KAZN: variants seen among roughly 807,000 people sequenced by gnomAD.
KAZN encodes the protein kazrin, periplakin interacting protein, also known as kazrin.
KAZN carries 40 observed loss-of-function variants against 87.4 expected under a neutral mutation model. The observed-to-expected ratio is 0.46, with a 90% CI of 0.36 to 0.60. The LOEUF (loss-of-function observed/expected upper bound fraction) is 0.60. Ranked by LOEUF, KAZN falls within the 20% of genes least tolerant of loss-of-function variation. KAZN has a pLI of 0.00. For missense variants in KAZN, 898 were observed against 1,073.9 expected (o/e 0.84, Z 2.29); for synonymous variants, 466 against 458.3 (o/e 1.02, Z -0.22).
chr1:13,976,840 C>G (rs1048653283), intron 1 of KAZN, among the ~76,000 whole-genome samples: 1 of 152,116 alleles, frequency 6.6e-6, no homozygotes, highest in Non-Finnish European at 1.5e-5. Context: ...ATTAAAGCAT[C>G]TCTCCTCTAT....
intron 1 of KAZN, among the ~76,000 whole-genome samples, chr1:14,914,816 C>T (rs1225737449): frequency 2.0e-5 from 3 of 151,366 alleles, no homozygotes; most frequent in Non-Finnish European, 4.4e-5. Context: ...ACCTTGGATC[C>T]CTCATTGATA....
chr1:14,728,853 T>C (rs1253303174), intron 1 of KAZN, among the ~76,000 whole-genome samples: 3 of 152,160 alleles, frequency 2.0e-5, no homozygotes, highest in Admixed American at 1.3e-4. Context: ...CCTTGCCTCA[T>C]AAAGTTCTTG....
chr1:14,829,561 C>T (rs1369386858), intron 1 of KAZN, among the ~76,000 whole-genome samples: 1 of 152,138 alleles, frequency 6.6e-6, no homozygotes, highest in African/African-American at 2.4e-5. Flanking sequence ...CAGAGCAAGA[C>T]TCTGTCTCTG....
intron 1 of KAZN, among the ~76,000 whole-genome samples, chr1:14,019,168 T>C (rs1447601252): frequency 1.3e-5 from 2 of 152,258 alleles, no homozygotes; most frequent in African/African-American, 4.8e-5. Context: ...ACTTGTTTTG[T>C]GTAACATGAT....
At chr1:14,523,047 C>A (rs1671669461) in intron 2 of KAZN, among the ~76,000 whole-genome samples, 1 of 152,144 alleles carries the variant, frequency 6.6e-6, no homozygotes, top group African/African-American at 2.4e-5. Flanking sequence ...CACTGGTTGC[C>A]ATGGAGACAC....
chr1:14,805,392 G>A (rs1646175307), intron 1 of KAZN, among the ~76,000 whole-genome samples: 1 of 152,172 alleles, frequency 6.6e-6, no homozygotes, highest in Non-Finnish European at 1.5e-5. Flanking sequence ...AGTTTACCCA[G>A]CTCCACCAGT....
chr1:13,981,169 C>A (rs1473240016), intron 1 of KAZN, among the ~76,000 whole-genome samples: 2 of 121,744 alleles, frequency 1.6e-5, no homozygotes, highest in Admixed American at 1.8e-4. Flanking sequence ...ATTAAACTAT[C>A]ATGGAAGTGG....
At chr1:14,938,734 G>A (rs544323713) in intron 1 of KAZN, among the ~76,000 whole-genome samples, 1 of 152,028 alleles carries the variant, frequency 6.6e-6, no homozygotes, top group Non-Finnish European at 1.5e-5. Flanking sequence ...GATATCTGGC[G>A]ACAGTTGGTC....
chr1:14,740,545 C>T (rs1483965739), intron 1 of KAZN, among the ~76,000 whole-genome samples: 2 of 150,870 alleles, frequency 1.3e-5, no homozygotes, highest in Non-Finnish European at 3.0e-5. Context: ...TCTGCCTCCG[C>T]CCCCCCAAAA....
chr1:14,229,771 T>A (rs1647634292), intron 2 of KAZN, among the ~76,000 whole-genome samples: 1 of 152,262 alleles, frequency 6.6e-6, no homozygotes, highest in Admixed American at 6.5e-5. Context: ...AGAAACCTGC[T>A]GTCATTATTC....
At chr1:13,995,168 A>G (rs952797157) in intron 1 of KAZN, among the ~76,000 whole-genome samples, 2 of 151,150 alleles carry the variant, frequency 1.3e-5, no homozygotes, top group African/African-American at 4.9e-5. Flanking sequence ...GGAATAAAAC[A>G]AGGATTTCTC....
At chr1:14,213,574 C>T (rs1646899558) in intron 2 of KAZN, among the ~76,000 whole-genome samples, 1 of 151,974 alleles carries the variant, frequency 6.6e-6, no homozygotes, top group Non-Finnish European at 1.5e-5. Flanking sequence ...TGAAACAGAG[C>T]CAGTGAGGGA....
At chr1:14,833,140 GCCTCAGTCGAGTGCC>G (rs1647100718) in intron 1 of KAZN, among the ~76,000 whole-genome samples, 1 of 152,220 alleles carries the variant, frequency 6.6e-6, no homozygotes, top group South Asian at 2.1e-4. Context: ...CCAGTGAGAT[GCCTCAGTCGAGTGCC>G]CATCCTTGGA....
intron 1 of KAZN, among the ~76,000 whole-genome samples, chr1:14,766,597 G>A (rs1055672450): frequency 3.4e-4 from 50 of 148,406 alleles, no homozygotes; most frequent in African/African-American, 1.1e-3. Flanking sequence ...GCTTGGTTCC[G>A]CATGTTAACT....
intron 1 of KAZN, among the ~76,000 whole-genome samples, chr1:14,720,584 T>C (rs1350824916): frequency 6.6e-6 from 1 of 152,240 alleles, no homozygotes; most frequent in Non-Finnish European, 1.5e-5. Flanking sequence ...CCTCATATTC[T>C]TGCAATATTT....
rs1280708068 is a variant in KAZN, at chr1:14,923,445, T to C, written c.227-37239T>C. ...TACAGGGTTTGCCTGGCCTTGTCAC[T>C]GTTCCCCCACCCACTCCCAGGGTCC... On this transcript the variant is annotated intron_variant, in intron 1 of 14. Coordinates refer to ENST00000376030, the MANE Select transcript of KAZN (RefSeq NM_201628.3). This position sits in a 1 kb window ranked among gnomAD's most constrained non-coding sequence, Gnocchi z 4.2. 6.6e-6 allele frequency among the ~76,000 whole-genome samples: 1 copy of C among 152,210 alleles called. No homozygotes were observed. Among genetic ancestry groups the C allele is most frequent in the East Asian group, 1.9e-4 (1 of 5,180 alleles).
In KAZN at chr1:14,431,556, G is replaced by C. The variant is rs557018950; in HGVS notation, c.250-167427G>C. Among the ~76,000 whole-genome samples, 3 of 152,256 alleles carry C rather than the reference G, an allele frequency of 2.0e-5. 1 individual carries two copies. Among genetic ancestry groups the C allele is most frequent in the African/African-American group, 7.2e-5 (3 of 41,558 alleles). ...CTCTGAGGGTGTTGACATTTGAGTC[G>C]GTGGACTGGGAGAGGAAGACCCACC... On this transcript the variant is annotated intron_variant, in intron 2 of 16. Coordinates refer to the KAZN transcript ENST00000636203.
intron 1 of KAZN, among the ~76,000 whole-genome samples, chr1:14,918,708 ATATATATATATATATATATATAT>A (rs1230102764): frequency 2.9e-4 from 1 of 3,508 alleles, no homozygotes; most frequent in Non-Finnish European, 5.1e-4. Flanking sequence ...AAAAAAAAAA[ATATATATATATATATATATATAT>A]ATATATATAT....
At chr1:14,454,944 T>C (rs1302373251) in intron 2 of KAZN, among the ~76,000 whole-genome samples, 1 of 152,128 alleles carries the variant, frequency 6.6e-6, no homozygotes, top group Non-Finnish European at 1.5e-5. Context: ...GAGGTTGCAG[T>C]CAAGCTTGCA....
Sources: gnomAD v4.1 joint callset for allele counts (sites outside exome capture counted in the v4.1 genomes callset) on GRCh38, gnomAD v4.1.1 for gene constraint, Gnocchi (gnomAD v3.1) non-coding constraint, MANE v1.5 for transcripts, NCBI Gene and HGNC (gene_info 2026-07-23, HGNC 2026-07-21) for gene names.